Variants in ESYT1 observed in about 807,000 individuals in gnomAD.
ESYT1 encodes the protein extended synaptotagmin-1.
ESYT1 carries 116 observed loss-of-function variants against 154.2 expected under a neutral mutation model. That is an observed-to-expected ratio of 0.75 (90% CI 0.65 to 0.88). The LOEUF is 0.88. Ranked by LOEUF, ESYT1 falls within the 40% of genes least tolerant of loss-of-function variation. The pLI, the probability that ESYT1 is intolerant of heterozygous loss-of-function variation, is 0.00. For synonymous variants in ESYT1, 500 were observed against 539.9 expected, an observed-to-expected ratio of 0.93 and a Z score of 1.02; for missense variants, 1,264 against 1,379.3, an observed-to-expected ratio of 0.92 and a Z score of 1.32.
Position 56,133,812 on chromosome 12 carries a change from G to C in ESYT1, c.1412G>C (p.Arg471Pro), listed in dbSNP as rs112882931. The change falls in exon 13 of 31, where the codon CGA becomes CCA. Residue 471 changes from arginine (R) to proline (P), a missense_variant. Transcript: ENST00000394048. ...CAGTGGAATTGGGGAGTCTCCTCTC[G>C]ACCAGATCCCCCGTCAGCTGCCATC... is the stretch of plus-strand genomic sequence containing the variant. Reference protein sequence around the residue: ...VLQWNWGVSSRPDPPSAAILV... With the variant: ...VLQWNWGVSSPPDPPSAAILV... The C allele has an allele frequency of 1.5e-4, 239 of 1,614,114 alleles. No homozygotes were observed. The highest frequency in any genetic ancestry group is 1.9e-4 in the Non-Finnish European group (223 of 1,180,024).
rs189193626 is a variant in ESYT1, at chr12:56,139,918, C to T, written c.2592+905C>T. ...TTTTTTAGACAGGGTCTTACTCTGT[C>T]GCCCAGGCTGGAGTGCCGTGGTGCA... is the stretch of plus-strand genomic sequence containing the variant. On this transcript the variant is annotated intron_variant, in intron 24 of 30. Coordinates refer to ENST00000394048, the MANE Select transcript of ESYT1 (RefSeq NM_015292.3). Among the ~76,000 whole-genome samples, 198 of 150,862 alleles carry T rather than the reference C, an allele frequency of 1.3e-3. 1 individual carries two copies. The highest frequency in any genetic ancestry group is 4.6e-3 in the African/African-American group (187 of 41,074).
chr12:56,144,161 G>C lies in ESYT1; in HGVS notation c.*299G>C, dbSNP rs2136890366. 1 of 1,337,728 alleles carries C rather than the reference G, an allele frequency of 7.5e-7. No homozygotes were observed. Among genetic ancestry groups the C allele is most frequent in the South Asian group, 1.8e-5 (1 of 56,152 alleles). The allele number at this position is 1,337,728 out of a possible 1,614,324, so 82.9% of individuals were successfully genotyped here. A position where few individuals can be genotyped will look rare whatever the true frequency, so the allele number is the denominator to read the frequency against. On this transcript the variant is annotated 3_prime_UTR_variant, in exon 31 of 31. Transcript: ENST00000394048. ...CAACTCCTCAGGGCCTTCTGTATCTGTGCCTGGCCAGTGGCAGCACTAGCA... is the reference window on the plus strand; with the variant it reads ...CAACTCCTCAGGGCCTTCTGTATCTCTGCCTGGCCAGTGGCAGCACTAGCA...
In ESYT1 at chr12:56,142,772, TAA is replaced by T. The variant is rs1254182473; in HGVS notation, c.2888+44_2888+45del. On this transcript the variant is annotated intron_variant, in intron 26 of 30. Coordinates refer to ENST00000394048, the MANE Select transcript of ESYT1 (RefSeq NM_015292.3). This position sits in a 1 kb window ranked among gnomAD's most constrained non-coding sequence, Gnocchi z 4.1. ...CAGGAAGGTGGGACGCAGTCAGAAA[TAA>T]AAAGTATTACAGGTTCACTAGGCTC... 2 of 1,612,922 alleles carry T rather than the reference TAA, an allele frequency of 1.2e-6. No individual in the cohort carries two copies. Among genetic ancestry groups the T allele is most frequent in the Non-Finnish European group, 1.7e-6 (2 of 1,179,668 alleles).
chr12:56,139,944 A>G (rs1870624873), intron 24 of ESYT1, among the ~76,000 whole-genome samples: 1 of 151,582 alleles, frequency 6.6e-6, no homozygotes, highest in African/African-American at 2.4e-5. Context: ...CCGTGGTGCA[A>G]TCAGGGCTCA....
chr12:56,130,527 A>G (rs1201984361), intron 1 of ESYT1, 55 bp from the exon 2 acceptor site: 1 of 1,608,240 alleles, frequency 6.2e-7, no homozygotes, highest in African/African-American at 1.3e-5. Flanking sequence ...TCTTAGTAGG[A>G]AACCAGAGGC....
rs140909985 is a variant in ESYT1, at chr12:56,138,498, C to T, written c.2432C>T (p.Pro811Leu). The T allele has an allele frequency of 4.2e-4, 681 of 1,603,412 alleles. No homozygotes were observed. Among genetic ancestry groups the T allele is most frequent in the Non-Finnish European group, 5.2e-4 (617 of 1,175,870 alleles). Reference protein sequence around the residue: ...SIYMERAEDLPLRKGTKHLSP... With the variant: ...SIYMERAEDLLLRKGTKHLSP... ...TATATGGAGCGGGCAGAGGACCTCC[C>T]GGTGAGATCCCGCTCCCCATGCCCC... Residue 811 changes from proline (P) to leucine (L), a missense_variant and splice_region_variant, in exon 22 of 31, where the codon CCG becomes CTG. Pro to Leu is a moderately conservative substitution (Grantham distance 98). Coordinates refer to ENST00000394048, the MANE Select transcript of ESYT1 (RefSeq NM_015292.3).
Position 56,137,890 on chromosome 12 carries a change from T to G in ESYT1, c.2174T>G (p.Leu725Trp). 1 of 1,614,222 alleles carries G rather than the reference T, an allele frequency of 6.2e-7. No homozygotes were observed. Among genetic ancestry groups the G allele is most frequent in the Non-Finnish European group, 8.5e-7 (1 of 1,180,040 alleles). The change falls in exon 19 of 31, where the codon TTG (leucine) becomes TGG (tryptophan). Residue 725 changes from leucine (L) to tryptophan (W), a missense_variant. By Grantham distance (61) the Leu-to-Trp change is moderately conservative. Transcript: ENST00000394048. ...GAGGTTGAAGTCTTTGACAAGGACT[T>G]GGACAAGGATGATTTTCTGGGCAGG... ...ELEVEVFDKD[L>W]DKDDFLGRCK...
chr12:56,137,485 C>G lies in ESYT1; in HGVS notation c.1939-14C>G, dbSNP rs376443049. On this transcript the variant is annotated splice_polypyrimidine_tract_variant and intron_variant, in intron 17 of 30. Coordinates refer to ENST00000394048, the MANE Select transcript of ESYT1 (RefSeq NM_015292.3). ...CTCCCTTTGCCATCTGGCACCCCCC[C>G]GTCCCTTTTGCAGCATGTGCTTCGG... The G allele has an allele frequency of 1.9e-5, 30 of 1,609,558 alleles. No homozygotes were observed. Among genetic ancestry groups the G allele is most frequent in the East Asian group, 2.2e-5 (1 of 44,838 alleles).
chr12:56,130,378 C>T (rs1870182478), intron 1 of ESYT1: 2 of 642,120 alleles, frequency 3.1e-6, no homozygotes, highest in Non-Finnish European at 5.6e-6. Flanking sequence ...TGACCTCTAC[C>T]TTGTCAGCTC....
At chr12:56,130,478 T>C in intron 1 of ESYT1, 104 bp from the exon 2 acceptor site, 1 of 1,394,324 alleles carries the variant, frequency 7.2e-7, no homozygotes, top group East Asian at 2.3e-5. Flanking sequence ...GTGTGAGGAG[T>C]CACACACACT....
intron 30 of ESYT1, 87 bp from the exon 31 acceptor site, chr12:56,143,736 A>G: frequency 6.2e-7 from 1 of 1,610,370 alleles, no homozygotes; most frequent in South Asian, 1.1e-5. Context: ...CATTGATTCT[A>G]TCAAGTAGAG....
chr12:56,132,473 A>G lies in ESYT1; in HGVS notation c.1037A>G (p.Lys346Arg). 6.2e-7 allele frequency: 1 copy of G among 1,614,178 alleles called. No homozygotes were observed. Among genetic ancestry groups the G allele is most frequent in the Non-Finnish European group, 8.5e-7 (1 of 1,180,030 alleles). Residue 346 changes from lysine to arginine, a missense_variant, in exon 9 of 31, where the codon AAA becomes AGA. By Grantham distance (26) the Lys-to-Arg change is conservative. Transcript: ENST00000394048. ...LAARGLSSKD[K>R]YVKGLIEGKS... ...GCTCGAGGGCTGAGTTCCAAGGACA[A>G]ATATGTGAAGGGCCTGATTGAGGGC...
chr12:56,136,617 C>A (rs1372901464), intron 15 of ESYT1, 127 bp from the exon 16 acceptor site: 2 of 704,996 alleles, frequency 2.8e-6, no homozygotes, highest in Non-Finnish European at 4.0e-6. Context: ...AAAAGATGGC[C>A]CTGAGTGGAG....
At chr12:56,131,939 C>A in intron 7 of ESYT1, 135 bp downstream of exon 7, 1 of 1,043,146 alleles carries the variant, frequency 9.6e-7, no homozygotes, top group South Asian at 1.4e-5. Flanking sequence ...GACAAATACC[C>A]CTGCAAAGTT....
In ESYT1 at chr12:56,128,784, T is replaced by G. The variant is rs550192199; in HGVS notation, c.390+75T>G. 370 of 1,566,784 alleles carry G rather than the reference T, an allele frequency of 2.4e-4. 1 individual carries two copies. The highest frequency in any genetic ancestry group is 3.1e-4 in the Non-Finnish European group (358 of 1,151,992). The stretch of plus-strand genomic sequence containing the variant: ...TTCCATCTGGGGCTTTTCCTCCTTA[T>G]GCCTAGAGTCAGCTCCCTGCCTTGG... On this transcript the variant is annotated intron_variant, in intron 1 of 30. Coordinates refer to ENST00000394048, the MANE Select transcript of ESYT1 (RefSeq NM_015292.3).
At chr12:56,132,852 G>A in intron 10 of ESYT1, 51 bp downstream of exon 10, 1 of 1,523,348 alleles carries the variant, frequency 6.6e-7, no homozygotes, top group Non-Finnish European at 9.1e-7. Context: ...CAGGCACGGT[G>A]GCTCATGCCT....
chr12:56,128,894 T>C lies in ESYT1; in HGVS notation c.390+185T>C. 7.5e-6 allele frequency: 5 copies of C among 663,756 alleles called. No individual in the cohort carries two copies. The Admixed American group carries it at 1.4e-4, about 19-fold the overall frequency. The allele number at this position is 663,756 out of a possible 1,614,324, so 41.1% of individuals were successfully genotyped here. ...CACTCTTGGAACCGACTGCTCACTC[T>C]CCCCACCCACCCTTTCGCATGCCCA... On this transcript the variant is annotated intron_variant, in intron 1 of 30. Coordinates refer to ENST00000394048, the MANE Select transcript of ESYT1 (RefSeq NM_015292.3).
At chr12:56,136,219 T>C (rs1329762869) in intron 15 of ESYT1, among the ~76,000 whole-genome samples, 1 of 151,986 alleles carries the variant, frequency 6.6e-6, no homozygotes, top group Non-Finnish European at 1.5e-5. Context: ...TGGATTTTAA[T>C]TGAGTCTTGA....
chr12:56,131,660 G>A, intron 6 of ESYT1, 89 bp from the exon 7 acceptor site: 1 of 1,604,670 alleles, frequency 6.2e-7, no homozygotes, highest in Non-Finnish European at 8.5e-7. Context: ...GAAGGGAACT[G>A]ACAAGAAGGC....
Sources: gnomAD v4.1 joint callset for allele counts (sites outside exome capture counted in the v4.1 genomes callset) on GRCh38, gnomAD v4.1.1 for gene constraint, Gnocchi (gnomAD v3.1) non-coding constraint, MANE v1.5 for transcripts, NCBI Gene and HGNC (gene_info 2026-07-23, HGNC 2026-07-21) for gene names.